Variants in CLSTN2 observed in about 807,000 individuals in gnomAD.
CLSTN2 encodes the protein calsyntenin 2.
CLSTN2 carries 48 observed loss-of-function variants against 101.2 expected under a neutral mutation model. The observed-to-expected ratio is 0.47, with a 90% CI of 0.38 to 0.60. CLSTN2 has a LOEUF of 0.60. CLSTN2 is among the 20% of genes least tolerant of loss of function. CLSTN2 has a pLI of 0.00. For missense variants in CLSTN2, 1,160 were observed against 1,238.2 expected (o/e 0.94, Z 0.95); for synonymous variants, 481 against 463.6 (o/e 1.04, Z -0.48).
chr3:140,429,378 G>A (rs1293768369), intron 5 of CLSTN2, among the ~76,000 whole-genome samples: 3 of 152,150 alleles, frequency 2.0e-5, no homozygotes, highest in Admixed American at 6.5e-5. Flanking sequence ...CCTTGGACCA[G>A]GCAGGAGCCC....
At chr3:140,230,618 C>G (rs974113594) in intron 2 of CLSTN2, among the ~76,000 whole-genome samples, 9 of 152,172 alleles carry the variant, frequency 5.9e-5, no homozygotes, top group African/African-American at 2.2e-4. Flanking sequence ...AAGAGACCAT[C>G]CATGAAACAG....
At chr3:140,015,613 G>A (rs2007184233) in intron 1 of CLSTN2, among the ~76,000 whole-genome samples, 1 of 152,222 alleles carries the variant, frequency 6.6e-6, no homozygotes, top group African/African-American at 2.4e-5. Flanking sequence ...TGTCAACCTA[G>A]TTGGAGGAAC....
intron 2 of CLSTN2, among the ~76,000 whole-genome samples, chr3:140,370,820 A>G (rs1404379812): frequency 1.3e-5 from 2 of 152,172 alleles, no homozygotes; most frequent in African/African-American, 2.4e-5. Context: ...TGCTGGATGC[A>G]TAAGTACACT....
intron 2 of CLSTN2, among the ~76,000 whole-genome samples, chr3:140,287,464 A>T (rs1288727358): frequency 6.6e-6 from 1 of 152,182 alleles, no homozygotes; most frequent in Non-Finnish European, 1.5e-5. Flanking sequence ...TGGTGATTTC[A>T]CTGTATATAC....
intron 1 of CLSTN2, among the ~76,000 whole-genome samples, chr3:140,028,948 A>C (rs1340587139): frequency 1.3e-5 from 2 of 152,150 alleles, no homozygotes; most frequent in Non-Finnish European, 2.9e-5. Flanking sequence ...ATTATGTGGT[A>C]GAAAAAGGCT....
intron 2 of CLSTN2, among the ~76,000 whole-genome samples, chr3:140,262,137 T>C (rs998587979): frequency 1.3e-5 from 2 of 152,212 alleles, no homozygotes; most frequent in Non-Finnish European, 2.9e-5. Flanking sequence ...TGGCAGGGTT[T>C]TGTGTTTATA....
intron 6 of CLSTN2, chr3:140,449,975 G>A (rs1278893737): frequency 6.6e-6 from 1 of 152,342 alleles, no homozygotes; most frequent in Non-Finnish European, 1.5e-5. Flanking sequence ...TTGTCATTTG[G>A]CTGTGAGATG....
chr3:140,362,920 G>A (rs545709997), intron 2 of CLSTN2, among the ~76,000 whole-genome samples: 2 of 151,902 alleles, frequency 1.3e-5, no homozygotes, highest in Admixed American at 6.6e-5. Flanking sequence ...AAAACAGTTT[G>A]GCAGTTTCCT....
chr3:140,060,443 T>C (rs540663863), intron 1 of CLSTN2, among the ~76,000 whole-genome samples: 2 of 152,256 alleles, frequency 1.3e-5, no homozygotes, highest in South Asian at 4.1e-4. Flanking sequence ...GGAAATGAAC[T>C]CCACAAGGGT....
chr3:140,101,802 G>A (rs2008970627), intron 1 of CLSTN2, among the ~76,000 whole-genome samples: 2 of 152,168 alleles, frequency 1.3e-5, no homozygotes, highest in Admixed American at 1.3e-4. Flanking sequence ...GGGAGGAAAC[G>A]ATGGAAAAGG....
At chr3:140,121,410 G>A (rs1162850788) in intron 1 of CLSTN2, among the ~76,000 whole-genome samples, 2 of 152,166 alleles carry the variant, frequency 1.3e-5, no homozygotes. Context: ...CTGGATAGGT[G>A]AGCTTCCCAG....
At position 139,953,670 on chromosome 3, in the gene CLSTN2, G is replaced by T. The variant is rs554382935; in HGVS notation, c.109+18187G>T. On this transcript the variant is annotated intron_variant, in intron 1 of 16. Transcript: ENST00000458420. ...ACTCCCCCTTCCCTCTCCCTCAGGT[G>T]GGAGGATGACTGAGGTATTTTACCC... 2.0e-5 allele frequency among the ~76,000 whole-genome samples: 3 copies of T among 152,306 alleles called. No individual in the cohort carries two copies. The East Asian group carries it at 5.8e-4, about 29-fold the overall frequency.
intron 1 of CLSTN2, among the ~76,000 whole-genome samples, chr3:140,123,201 C>G (rs1284753817): frequency 6.6e-6 from 1 of 151,364 alleles, no homozygotes; most frequent in African/African-American, 2.4e-5. Context: ...ATGTGGTGTC[C>G]TCACATGGTA....
In CLSTN2 at chr3:140,147,955, T is replaced by C. The variant is rs144974125; in HGVS notation, c.110-27996T>C. Among the ~76,000 whole-genome samples, 4 of 152,314 alleles carry C rather than the reference T, an allele frequency of 2.6e-5. No individual in the cohort carries two copies. The East Asian group carries it at 7.7e-4, about 29-fold the overall frequency. On this transcript the variant is annotated intron_variant, in intron 1 of 16. Coordinates refer to ENST00000458420, the MANE Select transcript of CLSTN2 (RefSeq NM_022131.3). ...TCATCTTGTATGAGTAGCTACCTAT[T>C]TGCCCTTGAAGGTAAAACCAGGGGG...
chr3:140,514,147 A>AT (rs34029686), intron 8 of CLSTN2, among the ~76,000 whole-genome samples: 58,220 of 151,586 alleles, frequency 0.38, 12,614 homozygotes, highest in African/African-American at 0.59. Flanking sequence ...AGTTTTCTAT[A>AT]TTTTTTCAAT....
At chr3:139,963,669 G>A (rs1935547679) in intron 1 of CLSTN2, among the ~76,000 whole-genome samples, 3 of 152,206 alleles carry the variant, frequency 2.0e-5, no homozygotes, top group Non-Finnish European at 2.9e-5. Context: ...AGATGTTTCT[G>A]TTCTATTTGA....
At chr3:140,266,332 C>T (rs1385307805) in intron 2 of CLSTN2, among the ~76,000 whole-genome samples, 1 of 152,182 alleles carries the variant, frequency 6.6e-6, no homozygotes, top group African/African-American at 2.4e-5. Flanking sequence ...CCCACAGGAA[C>T]AGTGAGATCC....
intron 1 of CLSTN2, among the ~76,000 whole-genome samples, chr3:140,137,051 AGTATTTATTAAC>A (rs1187987671): frequency 6.6e-6 from 1 of 152,214 alleles, no homozygotes; most frequent in Non-Finnish European, 1.5e-5. Context: ...TTATTCAACA[AGTATTTATTAAC>A]TACTAACCAT....
chr3:140,176,141 G>T, intron 2 of CLSTN2, 68 bp downstream of exon 2: 1 of 1,579,436 alleles, frequency 6.3e-7, no homozygotes. Context: ...CCTCCACAAA[G>T]CCCAGAATAT....
Sources: allele counts gnomAD v4.1 joint callset (sites outside exome capture counted in the v4.1 genomes callset), GRCh38; gene constraint gnomAD v4.1.1; transcripts MANE v1.5; gene names NCBI Gene and HGNC (gene_info 2026-07-23, HGNC 2026-07-21).